PIWIL2: variants seen among roughly 807,000 people sequenced by gnomAD.
PIWIL2 encodes the protein piwi like RNA-mediated gene silencing 2.
In PIWIL2, 81 loss-of-function variants were observed where a neutral mutation model predicts 116.5. That is an observed-to-expected ratio of 0.70 (90% CI 0.58 to 0.84). The LOEUF (loss-of-function observed/expected upper bound fraction) is 0.84. Among genes scored for constraint, PIWIL2 ranks in the 40% least tolerant of loss-of-function variants. PIWIL2 has a pLI of 0.00. For synonymous variants in PIWIL2, 489 were observed against 429.5 expected (o/e 1.14, Z -1.71); for missense variants, 1,272 against 1,212.3 (o/e 1.05, Z -0.73).
chr8:22,342,697 G>A (rs1185572877), intron 20 of PIWIL2, among the ~76,000 whole-genome samples: 1 of 152,020 alleles, frequency 6.6e-6, no homozygotes, highest in Non-Finnish European at 1.5e-5. Flanking sequence ...GGTGGCTTTG[G>A]GTTTGGTGAT....
intron 20 of PIWIL2, among the ~76,000 whole-genome samples, chr8:22,338,992 A>G (rs889433832): frequency 6.6e-6 from 1 of 152,232 alleles, no homozygotes; most frequent in African/African-American, 2.4e-5. Context: ...GACTCAAATC[A>G]GTGAAGTAAA....
chr8:22,303,751 T>C (rs986911964), intron 10 of PIWIL2, among the ~76,000 whole-genome samples: 1 of 152,002 alleles, frequency 6.6e-6, no homozygotes, highest in Non-Finnish European at 1.5e-5. Flanking sequence ...TCCTTTTTTT[T>C]CCCCCACCAA....
At chr8:22,308,578 G>A (rs578036116) in intron 14 of PIWIL2, among the ~76,000 whole-genome samples, 20 of 152,190 alleles carry the variant, frequency 1.3e-4, no homozygotes, top group African/African-American at 3.6e-4. Flanking sequence ...ACTTGAACCC[G>A]GGAGGTGGAG....
chr8:22,326,076 G>A (rs1206822335), intron 20 of PIWIL2, among the ~76,000 whole-genome samples: 1 of 152,132 alleles, frequency 6.6e-6, no homozygotes, highest in African/African-American at 2.4e-5. Context: ...TAGTTCTCCA[G>A]TGTCTACTCA....
Position 22,284,238 on chromosome 8 carries a change from A to T in PIWIL2, c.709A>T (p.Asn237Tyr), listed in dbSNP as rs1295940085. 1.2e-6 allele frequency: 2 copies of T among 1,601,610 alleles called. No homozygotes were observed. Among genetic ancestry groups the T allele is most frequent in the Non-Finnish European group, 8.5e-7 (1 of 1,172,220 alleles). ...GLNLVKIQCH[N>Y]EAVYQYHVTF... ...GAACCTCGTCAAAATACAGTGTCAT[A>T]ATGAAGCAGTTTATCAATATCATGT... Residue 237 changes from asparagine to tyrosine, a missense_variant, in exon 6 of 23, where the codon AAT becomes TAT. Coordinates refer to ENST00000356766, the MANE Select transcript of PIWIL2 (RefSeq NM_018068.5).
chr8:22,345,144 T>C (rs1021272062), intron 20 of PIWIL2, among the ~76,000 whole-genome samples: 2 of 152,190 alleles, frequency 1.3e-5, no homozygotes, highest in Non-Finnish European at 2.9e-5. Flanking sequence ...CACCTGTGAA[T>C]AGCCACAATA....
At chr8:22,330,362 G>C (rs1047759430) in intron 20 of PIWIL2, among the ~76,000 whole-genome samples, 1 of 151,982 alleles carries the variant, frequency 6.6e-6, no homozygotes, top group African/African-American at 2.4e-5. Context: ...TTTCGTTAAG[G>C]TCTTAAGACA....
At chr8:22,307,473 ATTTTTT>A (rs56755716) in intron 13 of PIWIL2, among the ~76,000 whole-genome samples, 52,004 of 111,246 alleles carry the variant, frequency 0.47, 12,422 homozygotes, top group East Asian at 0.8. Flanking sequence ...TTTATTATTC[ATTTTTT>A]TTTTTTTTTT....
intron 16 of PIWIL2, among the ~76,000 whole-genome samples, chr8:22,312,545 C>T (rs1162845423): frequency 2.6e-5 from 4 of 151,986 alleles, no homozygotes; most frequent in Non-Finnish European, 4.4e-5. Context: ...AGATTACAGG[C>T]GTGAGTCACC....
chr8:22,341,801 A>G (rs1057305674), intron 20 of PIWIL2, among the ~76,000 whole-genome samples: 1 of 152,114 alleles, frequency 6.6e-6, no homozygotes, highest in Non-Finnish European at 1.5e-5. Context: ...GCAGTAAGCA[A>G]AGGAAATTAA....
chr8:22,323,471 C>A (rs1172686807), intron 20 of PIWIL2, among the ~76,000 whole-genome samples: 1 of 152,090 alleles, frequency 6.6e-6, no homozygotes, highest in Non-Finnish European at 1.5e-5. Context: ...ACCTCGTGAT[C>A]CACCCACTTC....
At chr8:22,355,328 T>C (rs978348210) in intron 22 of PIWIL2, 21 bp from the exon 23 acceptor site, 2 of 1,613,420 alleles carry the variant, frequency 1.2e-6, no homozygotes, top group East Asian at 2.2e-5. Flanking sequence ...ATGAGAATTA[T>C]ATTTTCTTCT....
chr8:22,354,477 G>T (rs1832446489), intron 22 of PIWIL2, 99 bp downstream of exon 22: 3 of 651,644 alleles, frequency 4.6e-6, no homozygotes, highest in East Asian at 5.5e-5. Flanking sequence ...TTTACCTCTT[G>T]ACTTTTCTTC....
intron 10 of PIWIL2, among the ~76,000 whole-genome samples, chr8:22,291,037 TGGCTCACTGCACCC>T (rs1830753920): frequency 6.6e-6 from 1 of 151,688 alleles, no homozygotes; most frequent in African/African-American, 2.4e-5. Context: ...GGTGCAATCT[TGGCTCACTGCACCC>T]TCTACCTCTT....
chr8:22,334,349 C>T (rs913341025), intron 20 of PIWIL2, among the ~76,000 whole-genome samples: 2 of 151,082 alleles, frequency 1.3e-5, no homozygotes, highest in Admixed American at 6.6e-5. Flanking sequence ...TAGTGAAATC[C>T]CATCTCTACT....
intron 20 of PIWIL2, among the ~76,000 whole-genome samples, chr8:22,330,131 CT>C (rs1366951096): frequency 6.6e-6 from 1 of 150,686 alleles, no homozygotes; most frequent in African/African-American, 2.5e-5. Flanking sequence ...CTTCATTTTT[CT>C]TTCTTATTTC....
chr8:22,285,168 A>T (rs2131988782), intron 6 of PIWIL2, among the ~76,000 whole-genome samples: 1 of 152,186 alleles, frequency 6.6e-6, no homozygotes, highest in East Asian at 1.9e-4. Flanking sequence ...ACTAAAACTT[A>T]CTCCACCTGT....
intron 20 of PIWIL2, among the ~76,000 whole-genome samples, chr8:22,341,249 A>G (rs1282139254): frequency 1.3e-5 from 2 of 151,998 alleles, no homozygotes; most frequent in East Asian, 1.9e-4. Flanking sequence ...GAAGAATCAT[A>G]TGACTACTTT....
chr8:22,279,709 T>C, intron 2 of PIWIL2, 125 bp downstream of exon 2: 1 of 844,886 alleles, frequency 1.2e-6, no homozygotes, highest in South Asian at 1.6e-5. Context: ...TCCCAGCACT[T>C]TGGGAGGCCG....
Sources: gnomAD v4.1 joint callset for allele counts (sites outside exome capture counted in the v4.1 genomes callset) on GRCh38, gnomAD v4.1.1 for gene constraint, MANE v1.5 for transcripts, NCBI Gene and HGNC (gene_info 2026-07-23, HGNC 2026-07-21) for gene names.